Variants in DEFB104A observed in about 807,000 individuals in gnomAD.
DEFB104A encodes the protein beta-defensin 104.
At chr8:7,838,679 CA>C (rs200660442) in intron 1 of DEFB104A, among the ~76,000 whole-genome samples, 10,588 of 82,606 alleles carry the variant, frequency 0.13, 372 homozygotes, top group Middle Eastern at 0.23. Context: ...GACTCTGTCT[CA>C]AAAAAAACCA....
intron 1 of DEFB104A, among the ~76,000 whole-genome samples, chr8:7,836,771 C>T (rs1371984130): frequency 6.9e-5 from 10 of 145,042 alleles, no homozygotes; most frequent in African/African-American, 2.1e-4. Flanking sequence ...AAAAAAGAAA[C>T]GTAGGGATCA....
At chr8:7,839,692 G>T (rs1328273964) in intron 1 of DEFB104A, among the ~76,000 whole-genome samples, 2 of 115,228 alleles carry the variant, frequency 1.7e-5, no homozygotes, top group Non-Finnish European at 3.8e-5. Flanking sequence ...GCCCGTTTCT[G>T]CTTTGTAGAA....
At chr8:7,837,590 A>G (rs1178918702) in intron 1 of DEFB104A, among the ~76,000 whole-genome samples, 2 of 140,462 alleles carry the variant, frequency 1.4e-5, no homozygotes, top group Non-Finnish European at 3.1e-5. Flanking sequence ...AAAATATGAT[A>G]GCAATTTATC....
intron 1 of DEFB104A, among the ~76,000 whole-genome samples, chr8:7,838,890 C>T (rs1222706458): frequency 4.3e-5 from 6 of 140,948 alleles, no homozygotes; most frequent in Middle Eastern, 3.4e-3. Context: ...GACCTGAGAC[C>T]TGCCTAAGAT....
intron 1 of DEFB104A, among the ~76,000 whole-genome samples, chr8:7,839,044 TTC>T (rs1817705022): frequency 7.0e-6 from 1 of 143,236 alleles, no homozygotes; most frequent in Non-Finnish European, 1.6e-5. Flanking sequence ...CCCTTTTGCA[TTC>T]TGTTTACTGA....
intron 1 of DEFB104A, among the ~76,000 whole-genome samples, chr8:7,839,344 A>T (rs566399430): frequency 6.9e-6 from 1 of 145,618 alleles, no homozygotes; most frequent in Non-Finnish European, 1.5e-5. Flanking sequence ...CAGATATGTC[A>T]GAAGGCACAT....
At chr8:7,836,818 G>A (rs1340002422) in intron 1 of DEFB104A, among the ~76,000 whole-genome samples, 22 of 142,768 alleles carry the variant, frequency 1.5e-4, no homozygotes, top group African/African-American at 5.3e-4. Context: ...GGCCACACAC[G>A]GTAACAATTC....
At position 7,836,896 on chromosome 8, in the gene DEFB104A, T is replaced by C. The variant is rs1817661349; in HGVS notation, c.58+354T>C. On this transcript the variant is annotated intron_variant, in intron 1 of 1. Coordinates refer to ENST00000314265, the MANE Select transcript of DEFB104A (RefSeq NM_080389.3). ...TTCCATTGCAGGGCAACAGCAATTA[T>C]TCATTGTTGATTTTGTAGAATAAGA... 1.4e-5 allele frequency among the ~76,000 whole-genome samples: 2 copies of C among 142,234 alleles called. 1 individual carries two copies. The highest frequency in any genetic ancestry group is 1.5e-4 in the Admixed American group (2 of 13,744). 93.3% of individuals were successfully genotyped at this position (142,234 alleles called of 152,430 possible). A position where few individuals can be genotyped will look rare whatever the true frequency, so the allele number is the denominator to read the frequency against.
At chr8:7,838,515 A>C in intron 1 of DEFB104A, among the ~76,000 whole-genome samples, 2 of 117,882 alleles carry the variant, frequency 1.7e-5, no homozygotes, top group Non-Finnish European at 3.7e-5. Context: ...CCTCGTCTCT[A>C]CTAAAAATAC....
chr8:7,840,122 C>CTCCTCTCT (rs1157193414), intron 1 of DEFB104A, among the ~76,000 whole-genome samples: 29 of 151,966 alleles, frequency 1.9e-4, no homozygotes, highest in African/African-American at 5.1e-4. Flanking sequence ...TTCTAGTTTC[C>CTCCTCTCT]TCCTCTCTAC....
intron 1 of DEFB104A, among the ~76,000 whole-genome samples, chr8:7,837,468 T>C (rs1472237574): frequency 7.0e-6 from 1 of 142,370 alleles, no homozygotes; most frequent in Non-Finnish European, 1.5e-5. Flanking sequence ...GGGTTAATGA[T>C]TTTTTTTCAG....
chr8:7,836,773 T>C (rs1817658530), intron 1 of DEFB104A, among the ~76,000 whole-genome samples: 1 of 144,974 alleles, frequency 6.9e-6, no homozygotes, highest in Non-Finnish European at 1.5e-5. Context: ...AAAAGAAACG[T>C]AGGGATCAGG....
At chr8:7,837,486 C>G in intron 1 of DEFB104A, among the ~76,000 whole-genome samples, 1 of 141,974 alleles carries the variant, frequency 7.0e-6, no homozygotes, top group Non-Finnish European at 1.5e-5. Context: ...CAGAGGGTAC[C>G]TGTTTAGGTT....
intron 1 of DEFB104A, among the ~76,000 whole-genome samples, chr8:7,836,905 G>A (rs1312017452): frequency 7.0e-6 from 1 of 142,298 alleles, no homozygotes; most frequent in Non-Finnish European, 1.5e-5. Context: ...ATTCATTGTT[G>A]ATTTTGTAGA....
chr8:7,838,329 AC>A (rs549247962), intron 1 of DEFB104A, among the ~76,000 whole-genome samples: 36 of 142,094 alleles, frequency 2.5e-4, no homozygotes, highest in Non-Finnish European at 1.1e-4. Flanking sequence ...CTCCCACTGC[AC>A]CCCCACAGGC....
intron 1 of DEFB104A, among the ~76,000 whole-genome samples, chr8:7,836,904 T>C (rs1216761860): frequency 7.0e-6 from 1 of 142,356 alleles, no homozygotes; most frequent in Non-Finnish European, 1.5e-5. Context: ...TATTCATTGT[T>C]GATTTTGTAG....
At chr8:7,838,888 A>G (rs1817701645) in intron 1 of DEFB104A, among the ~76,000 whole-genome samples, 1 of 140,750 alleles carries the variant, frequency 7.1e-6, no homozygotes, top group Non-Finnish European at 1.6e-5. Flanking sequence ...AAGACCTGAG[A>G]CCTGCCTAAG....
At chr8:7,838,049 T>A (rs1817682221) in intron 1 of DEFB104A, among the ~76,000 whole-genome samples, 1 of 94,338 alleles carries the variant, frequency 1.1e-5, no homozygotes, top group East Asian at 2.7e-4. Context: ...TGAAAGGAAG[T>A]GGGGGTTGGA....
At chr8:7,838,702 A>AAAC (rs77922782) in intron 1 of DEFB104A, among the ~76,000 whole-genome samples, 130,442 of 136,358 alleles carry the variant, frequency 0.96, 62,551 homozygotes, top group East Asian at 0.99. Context: ...AAAAACAAAC[A>AAAC]AAAAAAAAAA....
Sources: allele counts gnomAD v4.1 joint callset (sites outside exome capture counted in the v4.1 genomes callset), GRCh38; gene constraint gnomAD v4.1.1; transcripts MANE v1.5; gene names NCBI Gene and HGNC (gene_info 2026-07-23, HGNC 2026-07-21).